Variants in RNF115 observed in about 807,000 individuals in gnomAD.
The protein encoded by RNF115 is ring finger protein 115.
RNF115 carries 31 observed loss-of-function variants against 39.2 expected under a neutral mutation model. That is an observed-to-expected ratio of 0.79 (90% CI 0.59 to 1.07). The LOEUF (loss-of-function observed/expected upper bound fraction) is 1.07, where lower values mean the gene tolerates loss of function less well. Ranked by LOEUF, RNF115 falls within the 50% of genes least tolerant of loss-of-function variation. The pLI is 0.00. For synonymous variants in RNF115, 124 were observed against 131.0 expected (o/e 0.95, Z 0.37); for missense variants, 384 against 381.7 (o/e 1.01, Z -0.05).
chr1:145,749,776 C>T (rs940041719), intron 7 of RNF115, among the ~76,000 whole-genome samples: 1 of 152,180 alleles, frequency 6.6e-6, no homozygotes, highest in Non-Finnish European at 1.5e-5. Flanking sequence ...ACCTGACTCA[C>T]ACACCACGTA....
chr1:145,800,266 T>C lies in RNF115; in HGVS notation c.103-11300A>G, dbSNP rs370088975. On this transcript the variant is annotated intron_variant, in intron 1 of 8. Transcript: ENST00000582693. Reference sequence around the variant, plus strand: ...TATATTTACTAAACACATGATGTGCTTGACACTGTGCTATTCCACTTAACC... The same window carrying C: ...TATATTTACTAAACACATGATGTGCCTGACACTGTGCTATTCCACTTAACC... Among the ~76,000 whole-genome samples the C allele has an allele frequency of 1.1e-4, 17 of 152,314 alleles. No individual in the cohort carries two copies. The South Asian group carries it at 1.5e-3, about 13-fold the overall frequency.
intron 6 of RNF115, 143 bp from the exon 7 acceptor site, chr1:145,750,643 T>C (rs1177803254): frequency 3.2e-6 from 2 of 622,358 alleles, no homozygotes; most frequent in Non-Finnish European, 2.8e-6. Flanking sequence ...GAGGCTTGGG[T>C]TTCCCCTTTC....
chr1:145,754,481 G>A (rs1051871390), intron 4 of RNF115, among the ~76,000 whole-genome samples: 5 of 152,106 alleles, frequency 3.3e-5, no homozygotes, highest in African/African-American at 9.7e-5. Context: ...AGCCTCCCAA[G>A]TAGCTGGGAT....
At chr1:145,784,222 C>G (rs1318989492) in intron 3 of RNF115, among the ~76,000 whole-genome samples, 1 of 152,160 alleles carries the variant, frequency 6.6e-6, no homozygotes, top group Non-Finnish European at 1.5e-5. Context: ...ACTGTTATTT[C>G]AAAAACAGCA....
intron 1 of RNF115, among the ~76,000 whole-genome samples, chr1:145,806,098 A>G (rs1265831376): frequency 6.6e-6 from 1 of 152,180 alleles, no homozygotes; most frequent in Non-Finnish European, 1.5e-5. Flanking sequence ...CTATAATCCC[A>G]GCACTTTGGG....
intron 6 of RNF115, among the ~76,000 whole-genome samples, 175 bp downstream of exon 6, chr1:145,751,263 G>A (rs1255452947): frequency 6.6e-6 from 1 of 152,166 alleles, no homozygotes; most frequent in Non-Finnish European, 1.5e-5. Flanking sequence ...GAAGTGCATG[G>A]ATGCTGAGCT....
Position 145,746,954 on chromosome 1 carries a change from T to A in RNF115, c.827A>T (p.Asp276Val), listed in dbSNP as rs1657899944. 6.2e-7 allele frequency: 1 copy of A among 1,613,888 alleles called. No individual in the cohort carries two copies. Among genetic ancestry groups the A allele is most frequent in the African/African-American group, 1.3e-5 (1 of 74,986 alleles). ...PVCRKSLNGE[D>V]STRQSQSTEA... ...AGTGCTCTGGCTTTGCCGAGTAGAG[T>A]CCTCACCATTTAAGCTCTTCCTACA... Residue 276 changes from aspartate to valine, a missense_variant, in exon 9 of 9, where the codon GAC becomes GTC. Asp to Val is a radical substitution (Grantham distance 152, BLOSUM62 -3). Transcript: ENST00000582693.
intron 4 of RNF115, among the ~76,000 whole-genome samples, chr1:145,763,087 A>G (rs1265454279): frequency 1.3e-5 from 2 of 152,220 alleles, no homozygotes; most frequent in Non-Finnish European, 2.9e-5. Context: ...GATCATTAGA[A>G]GCCCAAACCC....
At position 145,824,043 on chromosome 1, in the gene RNF115, C is replaced by G. The variant is rs1057074692; in HGVS notation, c.-170G>C. 1.8e-5 allele frequency: 9 copies of G among 501,080 alleles called. No homozygotes were observed. The highest frequency in any genetic ancestry group is 3.0e-5 in the South Asian group (1 of 32,856). The allele number at this position is 501,080 out of a possible 1,614,324, so 31.0% of individuals were successfully genotyped here. A position where few individuals can be genotyped will look rare whatever the true frequency, so the allele number is the denominator to read the frequency against. ...AGGCCCAGAAACGCGGCGGCGCCAACAGCTACCCTGCGGCCCGCCTCCCAG... is the reference window on the plus strand; with the variant it reads ...AGGCCCAGAAACGCGGCGGCGCCAAGAGCTACCCTGCGGCCCGCCTCCCAG... On this transcript the variant is annotated 5_prime_UTR_variant, in exon 1 of 9. Transcript: ENST00000582693.
intron 3 of RNF115, among the ~76,000 whole-genome samples, chr1:145,777,071 A>G (rs938933776): frequency 1.3e-5 from 2 of 152,228 alleles, no homozygotes; most frequent in East Asian, 1.9e-4. Flanking sequence ...CTTGTCTTCA[A>G]TAAGTGAAAA....
chr1:145,788,751 C>T (rs782186992), intron 2 of RNF115, 157 bp downstream of exon 2: 1 of 716,150 alleles, frequency 1.4e-6, no homozygotes, highest in Non-Finnish European at 2.5e-6. Context: ...TTCTTCTGCC[C>T]TCTCTTGTGC....
Position 145,771,746 on chromosome 1 carries a change from T to C in RNF115, c.393A>G (p.Gly131=). The change falls in exon 4 of 9, where the codon GGA becomes GGG. Residue 131 remains glycine (G), a synonymous_variant. Transcript: ENST00000582693. ...LPLGRRYRSR[G]SSRPDRSPAI... is the part of the protein sequence containing the mutation. ...CTGGAGATCTGTCAGGACGAGAACT[T>C]CCTCGAGATCTGTATCTCCGACCCA... The C allele has an allele frequency of 6.2e-7, 1 of 1,614,124 alleles. No individual in the cohort carries two copies. Among genetic ancestry groups the C allele is most frequent in the African/African-American group, 1.3e-5 (1 of 75,036 alleles).
At chr1:145,795,627 T>C (rs1648942952) in intron 1 of RNF115, among the ~76,000 whole-genome samples, 1 of 152,072 alleles carries the variant, frequency 6.6e-6, no homozygotes, top group African/African-American at 2.4e-5. Context: ...GCTTCACCTC[T>C]CAGTTCTAGG....
At chr1:145,790,106 A>C (rs1182387594) in intron 1 of RNF115, among the ~76,000 whole-genome samples, 1 of 152,144 alleles carries the variant, frequency 6.6e-6, no homozygotes, top group African/African-American at 2.4e-5. Context: ...TGAAAGGTAG[A>C]GTGTCAAAGA....
intron 1 of RNF115, among the ~76,000 whole-genome samples, chr1:145,811,272 A>ACC (rs1242848143): frequency 2.0e-5 from 3 of 150,864 alleles, no homozygotes; most frequent in Non-Finnish European, 1.5e-5. Flanking sequence ...TTGTAATCTC[A>ACC]GCACTTTGGG....
chr1:145,753,152 G>A, intron 4 of RNF115, 103 bp from the exon 5 acceptor site: 1 of 724,036 alleles, frequency 1.4e-6, no homozygotes, highest in Non-Finnish European at 2.4e-6. Context: ...AACCAAAATG[G>A]CTTTTCATTG....
intron 4 of RNF115, among the ~76,000 whole-genome samples, chr1:145,755,449 T>G (rs193293140): frequency 2.8e-4 from 42 of 152,268 alleles, no homozygotes; most frequent in African/African-American, 9.1e-4. Flanking sequence ...ACATCTTGAC[T>G]ATAAGCTCAT....
At chr1:145,819,636 C>T (rs1275216149) in intron 1 of RNF115, among the ~76,000 whole-genome samples, 2 of 152,162 alleles carry the variant, frequency 1.3e-5, no homozygotes, top group Non-Finnish European at 1.5e-5. Context: ...GATACCAAAA[C>T]CTGGCAAAGA....
chr1:145,765,048 T>C (rs1486451235), intron 4 of RNF115, among the ~76,000 whole-genome samples: 2 of 152,200 alleles, frequency 1.3e-5, no homozygotes, highest in African/African-American at 4.8e-5. Context: ...GAAGTAGACA[T>C]GGGAGACTTC....
Sources: allele counts gnomAD v4.1 joint callset (sites outside exome capture counted in the v4.1 genomes callset), GRCh38; gene constraint gnomAD v4.1.1; transcripts MANE v1.5; gene names NCBI Gene and HGNC (gene_info 2026-07-23, HGNC 2026-07-21).